The following CDHR3 variants were observed in gnomAD, a reference collection of about 807,000 sequenced individuals.
CDHR3 encodes the protein cadherin related family member 3, also known as cadherin-related family member 3.
In CDHR3, 79 loss-of-function variants were observed where a neutral mutation model predicts 86.6. That is an observed-to-expected ratio of 0.91 (90% CI 0.76 to 1.10). CDHR3 has a LOEUF of 1.10. CDHR3 is among the 50% of genes least tolerant of loss of function. The pLI, the probability that CDHR3 is intolerant of heterozygous loss-of-function variation, is 0.00. For missense variants in CDHR3, 1,081 were observed against 1,077.6 expected (o/e 1.00, Z -0.04); for synonymous variants, 421 against 402.4 (o/e 1.05, Z -0.55).
rs373916033 is a variant in CDHR3 at position 106,032,501 on chromosome 7, C to T, written c.2462C>T (p.Pro821Leu). The change falls in exon 19 of 19, where the codon CCA (proline) becomes CTA (leucine). Residue 821 changes from proline to leucine, a missense_variant. Transcript: ENST00000317716. ...WKESSHQGAA[P>L]RRVTAGEGMG... ...GAGTCCAGCCACCAGGGAGCTGCCC[C>T]ACGCAGAGTCACTGCTGGGGAAGGG... The T allele has an allele frequency of 1.5e-5, 24 of 1,613,898 alleles. No individual in the cohort carries two copies. The highest frequency in any genetic ancestry group is 1.9e-5 in the Non-Finnish European group (23 of 1,179,906).
chr7:105,977,248 A>C (rs964003861), intron 2 of CDHR3, among the ~76,000 whole-genome samples: 3 of 152,202 alleles, frequency 2.0e-5, no homozygotes, highest in African/African-American at 7.2e-5. Context: ...TGAAATAAGA[A>C]CTTCATTCAG....
intron 18 of CDHR3, among the ~76,000 whole-genome samples, chr7:106,031,076 C>T (rs528585704): frequency 6.6e-6 from 1 of 152,304 alleles, no homozygotes; most frequent in South Asian, 2.1e-4. Flanking sequence ...AGTGGGTCTC[C>T]ACCTAAAGGC....
At chr7:106,021,440 A>G (rs1336464569) in intron 13 of CDHR3, among the ~76,000 whole-genome samples, 4 of 152,202 alleles carry the variant, frequency 2.6e-5, no homozygotes, top group Non-Finnish European at 4.4e-5. Flanking sequence ...TAAGGCCTTT[A>G]TGGAGCATTT....
intron 8 of CDHR3, among the ~76,000 whole-genome samples, chr7:106,005,690 G>C (rs932235569): frequency 5.9e-5 from 9 of 152,180 alleles, no homozygotes; most frequent in African/African-American, 2.2e-4. Context: ...GAGGACAAAG[G>C]ACCCTAGACC....
chr7:106,028,932 C>G, intron 17 of CDHR3, among the ~76,000 whole-genome samples: 1 of 116,118 alleles, frequency 8.6e-6, no homozygotes, highest in East Asian at 2.3e-4. Context: ...TTCTTTCTTT[C>G]TTTCTTTCTT....
In CDHR3 at chr7:106,024,369, CTGT is replaced by C. The variant is rs1321201979; in HGVS notation, c.2077-7_2077-5del. 6.2e-7 allele frequency: 1 copy of C among 1,613,270 alleles called. No homozygotes were observed. The highest frequency in any genetic ancestry group is 1.7e-5 in the Admixed American group (1 of 60,010). The stretch of plus-strand genomic sequence containing the variant: ...ACCCTCTACTCACCCTCCCTGCTCT[CTGT>C]TGTTCAAGCCCAGGGTCACCTATCA... On this transcript the variant is annotated splice_polypyrimidine_tract_variant and intron_variant, in intron 14 of 18. Transcript: ENST00000317716.
intron 6 of CDHR3, among the ~76,000 whole-genome samples, chr7:106,000,027 C>T (rs531776411): frequency 4.6e-5 from 7 of 152,340 alleles, no homozygotes; most frequent in East Asian, 3.9e-4. Context: ...AGCCTGGGGG[C>T]GCTGGGGCCA....
chr7:105,987,773 C>T (rs1431674530), intron 4 of CDHR3, among the ~76,000 whole-genome samples: 1 of 152,224 alleles, frequency 6.6e-6, no homozygotes, highest in Non-Finnish European at 1.5e-5. Flanking sequence ...CCCAAAATTT[C>T]CAAGTCCCAC....
In CDHR3 at chr7:106,026,694, A is replaced by C; in HGVS notation, c.2271A>C (p.Gly757=). 2 of 1,613,826 alleles carry C rather than the reference A, an allele frequency of 1.2e-6. No homozygotes were observed. Among genetic ancestry groups the C allele is most frequent in the South Asian group, 2.2e-5 (2 of 91,082 alleles). Residue 757 remains glycine, a splice_region_variant and synonymous_variant, in exon 16 of 19, where the codon GGA becomes GGC. Transcript: ENST00000317716. ...TTTCCCCCCATAGGACAAAGAAAGG[A>C]GGTATGTACAGTACCTGTTTCCCTT... ...GKNKEPLTKK[G]ETKTAERDVV...
intron 3 of CDHR3, among the ~76,000 whole-genome samples, chr7:105,981,835 C>T (rs894106454): frequency 6.6e-6 from 1 of 151,976 alleles, no homozygotes; most frequent in Non-Finnish European, 1.5e-5. Flanking sequence ...TTAGCAGTAA[C>T]TCCATCCTTC....
chr7:106,027,353 C>T (rs940932054), intron 16 of CDHR3, among the ~76,000 whole-genome samples: 2 of 150,724 alleles, frequency 1.3e-5, no homozygotes, highest in Non-Finnish European at 2.9e-5. Flanking sequence ...GCCAAGATCA[C>T]GCCACTGCAC....
chr7:106,002,842 G>A (rs1361792791), intron 7 of CDHR3, among the ~76,000 whole-genome samples: 2 of 152,114 alleles, frequency 1.3e-5, no homozygotes, highest in Non-Finnish European at 2.9e-5. Context: ...AATACTTAAA[G>A]GTCATTCATG....
Position 106,030,895 on chromosome 7 carries a change from A to G in CDHR3, c.2353+55A>G, listed in dbSNP as rs753591999. On this transcript the variant is annotated intron_variant, in intron 18 of 18. Coordinates refer to ENST00000317716, the MANE Select transcript of CDHR3 (RefSeq NM_152750.5). This position sits in a 1 kb window ranked among gnomAD's most constrained non-coding sequence, Gnocchi z 4.8. ...TGCTTTTTATATTCCAGACTGGTAGAAGCATGGAGGATCTTATCCAATTTC... is the reference window on the plus strand; with the variant it reads ...TGCTTTTTATATTCCAGACTGGTAGGAGCATGGAGGATCTTATCCAATTTC... The G allele has an allele frequency of 4.0e-6, 6 of 1,495,038 alleles. No individual in the cohort carries two copies. The highest frequency in any genetic ancestry group is 5.5e-6 in the Non-Finnish European group (6 of 1,085,794). 92.6% of individuals were successfully genotyped at this position (1,495,038 alleles called of 1,614,324 possible).
rs766192027 is a variant in CDHR3, at chr7:105,974,861, C to T, written c.64C>T (p.Leu22=). 2 of 1,613,494 alleles carry T rather than the reference C, an allele frequency of 1.2e-6. No homozygotes were observed. Among genetic ancestry groups the T allele is most frequent in the African/African-American group, 2.7e-5 (2 of 75,032 alleles). ...CTCCACAGGGGGAGAAGCACTACAC[C>T]TAATCCTCTTACCTGCTACAGGCAA... ...GAMSGGEALH[L]ILLPATGNVA... Residue 22 remains leucine, a synonymous_variant, in exon 2 of 19, where the codon CTA becomes TTA. Coordinates refer to ENST00000317716, the MANE Select transcript of CDHR3 (RefSeq NM_152750.5).
intron 16 of CDHR3, 39 bp from the exon 17 acceptor site, chr7:106,028,512 C>T: frequency 6.2e-7 from 1 of 1,613,332 alleles, no homozygotes; most frequent in Non-Finnish European, 8.5e-7. Context: ...CAATTTACCA[C>T]CCAAGAAGCT....
intron 8 of CDHR3, among the ~76,000 whole-genome samples, chr7:106,006,600 C>T (rs550874526): frequency 6.6e-6 from 1 of 152,296 alleles, no homozygotes; most frequent in Admixed American, 6.5e-5. Flanking sequence ...CTTAAAACTC[C>T]AAAATGATCT....
chr7:106,008,389 C>T (rs1005976410), intron 8 of CDHR3, among the ~76,000 whole-genome samples: 1 of 152,172 alleles, frequency 6.6e-6, no homozygotes, highest in Non-Finnish European at 1.5e-5. Context: ...CCACTGGCTT[C>T]CCTGGGCCTA....
chr7:106,001,475 T>TAC lies in CDHR3; in HGVS notation c.731_732dup (p.Val245GlnfsTer6). 1 of 1,614,054 alleles carries TAC rather than the reference T, an allele frequency of 6.2e-7. No individual in the cohort carries two copies. The highest frequency in any genetic ancestry group is 1.1e-5 in the South Asian group (1 of 91,088). On this transcript the variant is annotated frameshift_variant, in exon 7 of 19. Coordinates refer to ENST00000317716, the MANE Select transcript of CDHR3 (RefSeq NM_152750.5). LOFTEE classifies it high-confidence loss of function. ...TCTCTGTTCCAGCCCGACACGAGTGTACACAGTCCTGGAGGAACTGAGTCC... is the reference window on the plus strand; with the variant it reads ...TCTCTGTTCCAGCCCGACACGAGTGTACACACAGTCCTGGAGGAACTGAGTCC...
intron 6 of CDHR3, among the ~76,000 whole-genome samples, chr7:105,998,274 C>T (rs1832570317): frequency 6.6e-6 from 1 of 152,198 alleles, no homozygotes. Flanking sequence ...CTCAAGTGTA[C>T]TGAGTTTGAG....
Sources: gnomAD v4.1 joint callset for allele counts (sites outside exome capture counted in the v4.1 genomes callset) on GRCh38, gnomAD v4.1.1 for gene constraint, Gnocchi (gnomAD v3.1) non-coding constraint, MANE v1.5 for transcripts, NCBI Gene and HGNC (gene_info 2026-07-23, HGNC 2026-07-21) for gene names.